TSBP1: variants seen among roughly 807,000 people sequenced by gnomAD.
TSBP1 encodes the protein testis expressed basic protein 1.
Under a neutral mutation model 68.8 loss-of-function variants are expected in TSBP1, and 56 were observed. The observed-to-expected ratio is 0.81, with a 90% CI of 0.66 to 1.02. The LOEUF (loss-of-function observed/expected upper bound fraction) is 1.02, where lower values mean the gene tolerates loss of function less well. TSBP1 is among the 50% of genes least tolerant of loss of function. The probability of loss-of-function intolerance (pLI) is 0.00; values close to 1 mark genes in which losing one functional copy is unlikely to be tolerated. For missense variants in TSBP1, 502 were observed against 641.2 expected (o/e 0.78, Z 2.34); for synonymous variants, 171 against 208.7 (o/e 0.82, Z 1.56).
chr6:32,336,525 A>AT lies in TSBP1; in HGVS notation c.430+89dup. 9.2e-7 allele frequency: 1 copy of AT among 1,089,910 alleles called. No homozygotes were observed. Among genetic ancestry groups the AT allele is most frequent in the Non-Finnish European group, 1.4e-6 (1 of 724,922 alleles). 67.5% of individuals were successfully genotyped at this position (1,089,910 alleles called of 1,614,324 possible). A position where few individuals can be genotyped will look rare whatever the true frequency, so the allele number is the denominator to read the frequency against. On this transcript the variant is annotated intron_variant, in intron 12 of 22. Transcript: ENST00000612031. This position sits in a 1 kb window ranked among gnomAD's most constrained non-coding sequence, Gnocchi z 5.2. ...GGAATCTAAAATAAAAGTTGAAATT[A>AT]TTTTTAAAAATGCAGGGCAGATCAG...
At chr6:32,294,100 C>A in intron 22 of TSBP1, 65 bp from the exon 26 acceptor site, 1 of 1,577,242 alleles carries the variant, frequency 6.3e-7, no homozygotes, top group East Asian at 2.2e-5. Context: ...CTATTTTTTT[C>A]CCCTTGATAC....
At chr6:32,295,062 G>A (rs985278755) in intron 22 of TSBP1, among the ~76,000 whole-genome samples, 1 of 152,058 alleles carries the variant, frequency 6.6e-6, no homozygotes, top group African/African-American at 2.4e-5. Context: ...TGGGCTGGGG[G>A]CAGTGGCTCA....
At chr6:32,355,601 GT>G in intron 7 of TSBP1, 47 bp downstream of exon 7, 1 of 1,585,850 alleles carries the variant, frequency 6.3e-7, no homozygotes. Flanking sequence ...CTAGGGAAAT[GT>G]TACTAATAGG....
intron 9 of TSBP1, 53 bp from the exon 11 acceptor site, chr6:32,339,691 G>T: frequency 1.3e-6 from 1 of 794,650 alleles, no homozygotes; most frequent in Non-Finnish European, 2.1e-6. Context: ...CTTTCAGAAG[G>T]CATGGAGATA....
chr6:32,345,871 T>C (rs1004148417), intron 9 of TSBP1, among the ~76,000 whole-genome samples: 2 of 152,172 alleles, frequency 1.3e-5, no homozygotes, highest in Non-Finnish European at 2.9e-5. Flanking sequence ...ATCCATTCTG[T>C]AGGAGCACAC....
intron 8 of TSBP1, among the ~76,000 whole-genome samples, chr6:32,354,332 C>T (rs1451685604): frequency 6.6e-6 from 1 of 151,974 alleles, no homozygotes; most frequent in African/African-American, 2.4e-5. Context: ...TGAGAAGATA[C>T]TCAATTTCAG....
In TSBP1 at chr6:32,370,407, GTATATATATATATATATATATA is replaced by G. The variant is rs9279612; in HGVS notation, c.14-446_14-425del. ...TACCTTTAAAGTTGCAAGATTTTCT[GTATATATATATATATATATATA>G]TATATATATATATATGGCTATAAAT... On this transcript the variant is annotated intron_variant, in intron 1 of 22. Transcript: ENST00000612031. Among the ~76,000 whole-genome samples, 5 of 130,708 alleles carry G rather than the reference GTATATATATATATATATATATA, an allele frequency of 3.8e-5. 1 individual carries two copies. Among genetic ancestry groups the G allele is most frequent in the South Asian group, 4.9e-4 (2 of 4,062 alleles). 85.7% of individuals were successfully genotyped at this position (130,708 alleles called of 152,430 possible).
At chr6:32,364,489 A>G (rs1773440321) in intron 6 of TSBP1, among the ~76,000 whole-genome samples, 1 of 141,504 alleles carries the variant, frequency 7.1e-6, no homozygotes, top group African/African-American at 2.6e-5. Context: ...TCTTTCTTGT[A>G]CTTGATCCAT....
intron 2 of TSBP1, 70 bp from the exon 3 acceptor site, chr6:32,368,884 T>C: frequency 6.6e-7 from 1 of 1,526,288 alleles, no homozygotes. Flanking sequence ...GATCAAACTC[T>C]TCTCACTCTA....
In TSBP1 at chr6:32,339,024, G is replaced by C; in HGVS notation, c.389-25C>G. On this transcript the variant is annotated intron_variant, in intron 10 of 22. Transcript: ENST00000612031. ...GCTAAAATACAAACAAAAAAGGTGA[G>C]TTTGAAGAGAGCATGACTCAAGGGT... is the stretch of plus-strand genomic sequence containing the variant. 30 of 1,605,396 alleles carry C rather than the reference G, an allele frequency of 1.9e-5. 1 individual carries two copies. Among genetic ancestry groups the C allele is most frequent in the Middle Eastern group, 3.3e-4 (2 of 6,046 alleles).
In TSBP1 at chr6:32,340,266, T is replaced by C. The variant is rs1166136640; in HGVS notation, c.350-628A>G. ...TCATATTTTAAGATGTTGAAAATTTTGCAATTTTTTTTCTTAAAATAATTG... is the reference window on the plus strand; with the variant it reads ...TCATATTTTAAGATGTTGAAAATTTCGCAATTTTTTTTCTTAAAATAATTG... On this transcript the variant is annotated intron_variant, in intron 9 of 22. Coordinates refer to ENST00000612031, the Ensembl canonical transcript of TSBP1. This position sits in a 1 kb window ranked among gnomAD's most constrained non-coding sequence, Gnocchi z 4.8. Among the ~76,000 whole-genome samples the C allele has an allele frequency of 1.3e-5, 2 of 152,230 alleles. No homozygotes were observed. Among genetic ancestry groups the C allele is most frequent in the African/African-American group, 4.8e-5 (2 of 41,464 alleles).
chr6:32,367,818 G>A (rs1773935694), intron 4 of TSBP1, 107 bp downstream of exon 4: 10 of 799,532 alleles, frequency 1.3e-5, no homozygotes, highest in Admixed American at 2.7e-5. Flanking sequence ...TTATAAAAAC[G>A]AAAGATATGC....
chr6:32,332,036 A>G (rs1225317099), exon 15 of TSBP1: 1 of 1,599,014 alleles, frequency 6.3e-7, no homozygotes, highest in East Asian at 2.2e-5. Context: ...CAGCTTACCA[A>G]TAGGTCCTGG....
In TSBP1 at chr6:32,352,593, C is replaced by G. The variant is rs183156403; in HGVS notation, c.259+2531G>C. Among the ~76,000 whole-genome samples, 10 of 151,836 alleles carry G rather than the reference C, an allele frequency of 6.6e-5. No individual in the cohort carries two copies. The East Asian group carries it at 1.7e-3, about 26-fold the overall frequency. ...ATAACAATTCACAATATAAAATGAACTAAATTCATCTATTAGGAAACAGAA... is the reference window on the plus strand; with the variant it reads ...ATAACAATTCACAATATAAAATGAAGTAAATTCATCTATTAGGAAACAGAA... On this transcript the variant is annotated intron_variant, in intron 8 of 22. Transcript: ENST00000612031.
chr6:32,306,337 C>CT lies in TSBP1; in HGVS notation c.581-3709dup, dbSNP rs770008026. Among the ~76,000 whole-genome samples the CT allele has an allele frequency of 1.3e-5, 2 of 152,152 alleles. No homozygotes were observed. The highest frequency in any genetic ancestry group is 6.5e-5 in the Admixed American group (1 of 15,276). On this transcript the variant is annotated intron_variant, in intron 19 of 22. Transcript: ENST00000612031. This position sits in a 1 kb window ranked among gnomAD's most constrained non-coding sequence, Gnocchi z 5.1. ...TGCTGGCATCCAGATCTCTGTGTTC[C>CT]TCAGTCATCTCTTGATTCTAACTCC...
At chr6:32,322,927 G>A (rs4428543) in intron 18 of TSBP1, among the ~76,000 whole-genome samples, 190 bp downstream of exon 19, 103,798 of 151,588 alleles carry the variant, frequency 0.68, 35,686 homozygotes, top group South Asian at 0.82. Flanking sequence ...TTGTTATTTC[G>A]TAGTATTGTT....
At position 32,315,877 on chromosome 6, in the gene TSBP1, G is replaced by T; in HGVS notation, c.560-85C>A. 1 of 839,976 alleles carries T rather than the reference G, an allele frequency of 1.2e-6. No individual in the cohort carries two copies. The highest frequency in any genetic ancestry group is 1.8e-6 in the Non-Finnish European group (1 of 540,912). The allele number at this position is 839,976 out of a possible 1,614,324, so 52.0% of individuals were successfully genotyped here. ...TATCTAACATATTTTGTTGGAGTCTGTGAGGGGAGGACTTGTGTGGGCAAA... is the reference window on the plus strand; with the variant it reads ...TATCTAACATATTTTGTTGGAGTCTTTGAGGGGAGGACTTGTGTGGGCAAA... On this transcript the variant is annotated intron_variant, in intron 18 of 22. Transcript: ENST00000612031. This position sits in a 1 kb window ranked among gnomAD's most constrained non-coding sequence, Gnocchi z 5.4.
intron 14 of TSBP1, among the ~76,000 whole-genome samples, chr6:32,334,346 C>CT (rs1769400674): frequency 6.6e-6 from 1 of 152,154 alleles, no homozygotes. Flanking sequence ...CATTCTCTCA[C>CT]TTTTTCTCCT....
At chr6:32,332,693 T>A (rs761190) in intron 14 of TSBP1, among the ~76,000 whole-genome samples, 1 of 151,820 alleles carries the variant, frequency 6.6e-6, no homozygotes, top group Non-Finnish European at 1.5e-5. Flanking sequence ...CACTACAGTC[T>A]CGACCTCCTG....
Sources: allele counts gnomAD v4.1 joint callset (sites outside exome capture counted in the v4.1 genomes callset), GRCh38; gene constraint gnomAD v4.1.1; non-coding constraint Gnocchi (gnomAD v3.1); transcripts MANE v1.5; gene names NCBI Gene and HGNC (gene_info 2026-07-23, HGNC 2026-07-21).